CNTNAP5: variants seen among roughly 807,000 people sequenced by gnomAD.
The protein encoded by CNTNAP5 is contactin associated protein family member 5.
CNTNAP5 carries 72 observed loss-of-function variants against 150.2 expected under a neutral mutation model. The observed-to-expected ratio is 0.48, with a 90% confidence interval of 0.40 to 0.58. The LOEUF (loss-of-function observed/expected upper bound fraction) is 0.58. Ranked by LOEUF, CNTNAP5 falls within the 20% of genes least tolerant of loss-of-function variation. CNTNAP5 has a pLI of 0.00. For synonymous variants in CNTNAP5, 672 were observed against 619.8 expected (o/e 1.08, Z -1.25); for missense variants, 1,636 against 1,626.2 (o/e 1.01, Z -0.10).
At chr2:124,416,480 T>C (rs1040360778) in intron 3 of CNTNAP5, among the ~76,000 whole-genome samples, 2 of 152,206 alleles carry the variant, frequency 1.3e-5, no homozygotes, top group African/African-American at 2.4e-5. Flanking sequence ...GCTTTTGTGC[T>C]GTGTATTCTT....
intron 12 of CNTNAP5, among the ~76,000 whole-genome samples, chr2:124,616,837 C>T (rs549811135): frequency 6.6e-6 from 1 of 152,200 alleles, no homozygotes; most frequent in South Asian, 2.1e-4. Context: ...AGGAAAGAGA[C>T]AGAAATCATT....
chr2:124,095,049 T>C (rs1322819990), intron 1 of CNTNAP5, among the ~76,000 whole-genome samples: 3 of 152,176 alleles, frequency 2.0e-5, no homozygotes, highest in East Asian at 1.9e-4. Flanking sequence ...TGCACACTTA[T>C]GTTTATTGCA....
intron 22 of CNTNAP5, among the ~76,000 whole-genome samples, chr2:124,904,044 ACT>A (rs1185345573): frequency 8.7e-6 from 1 of 114,548 alleles, no homozygotes; most frequent in Non-Finnish European, 1.7e-5. Flanking sequence ...ATAGAGTGAG[ACT>A]CTGTTTCAAA....
intron 11 of CNTNAP5, among the ~76,000 whole-genome samples, chr2:124,567,164 A>T (rs1307704378): frequency 6.6e-6 from 1 of 152,166 alleles, no homozygotes; most frequent in Non-Finnish European, 1.5e-5. Context: ...GATAGGATTA[A>T]CTTTTTTTGT....
At chr2:124,811,707 G>GGGA (rs1553445026) in intron 19 of CNTNAP5, among the ~76,000 whole-genome samples, 5 of 15,710 alleles carry the variant, frequency 3.2e-4, no homozygotes, top group African/African-American at 1.2e-3. Context: ...TTTAGGAGGC[G>GGGA]GGGGGGGTGG....
intron 3 of CNTNAP5, among the ~76,000 whole-genome samples, chr2:124,361,459 G>C (rs1447861563): frequency 6.9e-6 from 1 of 144,190 alleles, no homozygotes; most frequent in East Asian, 2.0e-4. Context: ...TTTGGTCTTT[G>C]ATGATGGTGA....
intron 13 of CNTNAP5, among the ~76,000 whole-genome samples, chr2:124,733,653 T>C (rs187563379): frequency 6.6e-6 from 1 of 152,278 alleles, no homozygotes; most frequent in African/African-American, 2.4e-5. Flanking sequence ...GTAGAGGTAT[T>C]GAAGAGCAGA....
At chr2:124,848,549 CT>C in intron 19 of CNTNAP5, among the ~76,000 whole-genome samples, 1 of 152,078 alleles carries the variant, frequency 6.6e-6, no homozygotes, top group Non-Finnish European at 1.5e-5. Flanking sequence ...TAGTAGTTCT[CT>C]TTTTAATTTG....
chr2:124,763,990 C>T lies in CNTNAP5; in HGVS notation c.2376C>T (p.Asn792=), dbSNP rs566175180. ...LRCYGDRRFW[N]AVSFYTEASY... is the part of the protein sequence containing the mutation. ...TCTCATTTGCAGGACGCTTCTGGAA[C>T]GCCGTCTCATTTTATACAGAAGCCT... is the stretch of plus-strand genomic sequence containing the variant. Residue 792 remains asparagine (N), a synonymous_variant, in exon 16 of 24, where the codon AAC becomes AAT. Coordinates refer to ENST00000682447, the MANE Select transcript of CNTNAP5 (RefSeq NM_001367498.1). 13 of 1,610,876 alleles carry T rather than the reference C, an allele frequency of 8.1e-6. No individual in the cohort carries two copies. The highest frequency in any genetic ancestry group is 4.4e-5 in the South Asian group (4 of 90,808).
chr2:124,183,834 G>A (rs74383122), intron 1 of CNTNAP5, among the ~76,000 whole-genome samples: 11,305 of 152,236 alleles, frequency 0.074, 595 homozygotes, highest in Non-Finnish European at 0.11. Context: ...TCAAGATGGG[G>A]AGGAAGATAA....
intron 3 of CNTNAP5, among the ~76,000 whole-genome samples, chr2:124,331,976 T>C (rs1458154505): frequency 6.6e-6 from 1 of 151,982 alleles, no homozygotes; most frequent in Admixed American, 6.6e-5. Flanking sequence ...TTAAGAAAAG[T>C]TCATAAATAA....
intron 3 of CNTNAP5, among the ~76,000 whole-genome samples, chr2:124,361,859 T>G (rs1256243897): frequency 6.6e-6 from 1 of 152,108 alleles, no homozygotes; most frequent in East Asian, 1.9e-4. Flanking sequence ...TCCCAGCTGC[T>G]TTGTTTACCT....
chr2:124,603,433 G>T (rs1383890025), intron 11 of CNTNAP5, among the ~76,000 whole-genome samples: 1 of 152,150 alleles, frequency 6.6e-6, no homozygotes, highest in Non-Finnish European at 1.5e-5. Flanking sequence ...ATGAGTTCAG[G>T]TGTTAATTGA....
intron 3 of CNTNAP5, among the ~76,000 whole-genome samples, chr2:124,379,345 C>T (rs1690731216): frequency 6.6e-6 from 1 of 152,072 alleles, no homozygotes; most frequent in South Asian, 2.1e-4. Flanking sequence ...TCTCTCCCTC[C>T]CCTGACCCCC....
intron 1 of CNTNAP5, among the ~76,000 whole-genome samples, chr2:124,097,732 T>A (rs1682968456): frequency 6.6e-6 from 1 of 152,120 alleles, no homozygotes; most frequent in South Asian, 2.1e-4. Context: ...AATTCACACA[T>A]AAATTTTGAC....
At chr2:124,903,340 G>T (rs1027356573) in intron 22 of CNTNAP5, among the ~76,000 whole-genome samples, 43 of 152,090 alleles carry the variant, frequency 2.8e-4, no homozygotes, top group African/African-American at 1.0e-3. Flanking sequence ...TGCTTATTAT[G>T]CACGTATATA....
At chr2:124,454,172 A>T (rs928288236) in intron 6 of CNTNAP5, among the ~76,000 whole-genome samples, 1 of 152,136 alleles carries the variant, frequency 6.6e-6, no homozygotes, top group African/African-American at 2.4e-5. Context: ...AATACATAAG[A>T]ACTCACATAA....
chr2:124,855,433 A>G (rs549390882), intron 19 of CNTNAP5, among the ~76,000 whole-genome samples: 45 of 152,198 alleles, frequency 3.0e-4, no homozygotes, highest in African/African-American at 1.0e-3. Context: ...TCAGCCTCCC[A>G]AAGTGCTGGG....
At chr2:124,880,717 T>C (rs1677947537) in intron 21 of CNTNAP5, among the ~76,000 whole-genome samples, 1 of 152,146 alleles carries the variant, frequency 6.6e-6, no homozygotes, top group Non-Finnish European at 1.5e-5. Context: ...AGCCTATGGA[T>C]CTTTGTTCCC....
Sources: gnomAD v4.1 joint callset for allele counts (sites outside exome capture counted in the v4.1 genomes callset) on GRCh38, gnomAD v4.1.1 for gene constraint, MANE v1.5 for transcripts, NCBI Gene and HGNC (gene_info 2026-07-23, HGNC 2026-07-21) for gene names.